TUBGCP4: variants seen among roughly 807,000 people sequenced by gnomAD.
TUBGCP4 encodes the protein tubulin gamma complex component 4.
A neutral mutation model predicts 91.6 loss-of-function variants in TUBGCP4; 54 were observed. The observed-to-expected ratio is 0.59, with a 90% CI of 0.47 to 0.74. The LOEUF is 0.74. Ranked by LOEUF, TUBGCP4 falls within the 30% of genes least tolerant of loss-of-function variation. TUBGCP4 has a pLI of 0.00. For missense variants in TUBGCP4, 593 were observed against 800.9 expected (o/e 0.74, Z 3.13); for synonymous variants, 297 against 302.8 (o/e 0.98, Z 0.20).
chr15:43,376,850 T>C (rs2044212723), intron 3 of TUBGCP4, among the ~76,000 whole-genome samples, 164 bp from the exon 4 acceptor site: 1 of 152,232 alleles, frequency 6.6e-6, no homozygotes, highest in South Asian at 2.1e-4. Context: ...GCTTGGTTTC[T>C]TTATGGCCCG....
intron 15 of TUBGCP4, chr15:43,403,206 G>GT (rs2142891961): frequency 6.6e-6 from 1 of 152,562 alleles, no homozygotes; most frequent in Non-Finnish European, 1.5e-5. Flanking sequence ...ACAAAAATCA[G>GT]TAACAACACA....
rs2045046597 is a variant in TUBGCP4, at chr15:43,409,666, T to G, written c.*4452T>G. On this transcript the variant is annotated 3_prime_UTR_variant, in exon 18 of 18. Transcript: ENST00000564079. ...CCTCACCTGGGCTTCATTGAAATCT[T>G]CAAGGATATAGCCAGCTCCTGCTCG... is the stretch of plus-strand genomic sequence containing the variant. 1.9e-6 allele frequency: 3 copies of G among 1,562,016 alleles called. No homozygotes were observed. In the African/African-American group the frequency reaches 4.2e-5, roughly 22 times the overall value.
intron 8 of TUBGCP4, 70 bp from the exon 9 acceptor site, chr15:43,386,136 C>A: frequency 1.3e-6 from 2 of 1,549,144 alleles, no homozygotes; most frequent in Non-Finnish European, 8.7e-7. Context: ...TGAGATTAGC[C>A]CTCCCCAGAA....
Position 43,385,792 on chromosome 15 carries a change from G to C in TUBGCP4, c.725G>C (p.Arg242Pro). 6.2e-7 allele frequency: 1 copy of C among 1,613,962 alleles called. No individual in the cohort carries two copies. The highest frequency in any genetic ancestry group is 1.1e-5 in the South Asian group (1 of 91,070). ...GATGTGTACTCTTTCCTTGACTAGC[G>C]CCTGATTGAGGAAGAGAACATGCTG... ...GKQLRELQDLRLIEEENMLAP... is the reference protein window; with the variant it reads ...GKQLRELQDLPLIEEENMLAP... The change falls in exon 8 of 18, where the codon CGC (arginine) becomes CCC (proline). Residue 242 changes from arginine to proline, a missense_variant and splice_region_variant. Coordinates refer to ENST00000564079, the MANE Select transcript of TUBGCP4 (RefSeq NM_014444.5).
intron 16 of TUBGCP4, 93 bp from the exon 17 acceptor site, chr15:43,404,320 G>T: frequency 1.3e-6 from 2 of 1,505,128 alleles, no homozygotes; most frequent in South Asian, 1.3e-5. Flanking sequence ...TTTGAACAAG[G>T]CTTTTCCAAG....
intron 15 of TUBGCP4, 35 bp downstream of exon 15, chr15:43,401,885 C>T (rs1183616885): frequency 3.7e-6 from 6 of 1,611,350 alleles, no homozygotes; most frequent in Admixed American, 1.7e-5. Context: ...CAGACTGCTT[C>T]TACCACTGAC....
Position 43,403,665 on chromosome 15 carries a change from A to G in TUBGCP4, c.1732-18A>G. 2 of 1,581,768 alleles carry G rather than the reference A, an allele frequency of 1.3e-6. No homozygotes were observed. The highest frequency in any genetic ancestry group is 1.7e-6 in the Non-Finnish European group (2 of 1,153,226). ...TACCTTCCTTCCTTTCCTAATGCCAACTCTGTTTCCCGGGTAGGTGTTTCA... is the reference window on the plus strand; with the variant it reads ...TACCTTCCTTCCTTTCCTAATGCCAGCTCTGTTTCCCGGGTAGGTGTTTCA... On this transcript the variant is annotated intron_variant, in intron 15 of 17. Coordinates refer to ENST00000564079, the MANE Select transcript of TUBGCP4 (RefSeq NM_014444.5).
intron 9 of TUBGCP4, 187 bp from the exon 10 acceptor site, chr15:43,394,920 C>G: frequency 1.6e-6 from 1 of 608,536 alleles, no homozygotes; most frequent in Non-Finnish European, 2.9e-6. Flanking sequence ...CATTAATTAC[C>G]CAGTCTAAGG....
intron 5 of TUBGCP4, among the ~76,000 whole-genome samples, chr15:43,379,820 C>T (rs1167257652): frequency 6.6e-6 from 1 of 152,186 alleles, no homozygotes. Context: ...TCACACTTTA[C>T]TGTGCATTAG....
intron 16 of TUBGCP4, chr15:43,404,123 T>C (rs895286704): frequency 4.3e-5 from 22 of 517,326 alleles, no homozygotes; most frequent in Non-Finnish European, 5.9e-5. Context: ...AATTATCTGC[T>C]TGTAATCAAA....
rs776818973 is a variant in TUBGCP4 at position 43,401,858 on chromosome 15, A to C, written c.1731+8A>C. On this transcript the variant is annotated splice_region_variant and intron_variant, in intron 15 of 17. Transcript: ENST00000564079. ...TTTATCCTATTGAAACCTGTAAGTA[A>C]GGCTCATTGGTTTCCTCAGACTGCT... 18 of 1,613,982 alleles carry C rather than the reference A, an allele frequency of 1.1e-5. No individual in the cohort carries two copies. The South Asian group carries it at 1.6e-4, about 15-fold the overall frequency.
chr15:43,387,323 T>C (rs529378860), intron 9 of TUBGCP4, among the ~76,000 whole-genome samples: 5 of 152,362 alleles, frequency 3.3e-5, no homozygotes. Flanking sequence ...CAAAGGAGCA[T>C]ATATGTTCTG....
At chr15:43,374,096 G>A (rs925687197) in intron 1 of TUBGCP4, among the ~76,000 whole-genome samples, 26 of 151,894 alleles carry the variant, frequency 1.7e-4, no homozygotes, top group African/African-American at 5.8e-4. Context: ...ATTCTTCTTC[G>A]CCTATTTGTT....
At chr15:43,391,177 G>A (rs1049331080) in intron 9 of TUBGCP4, among the ~76,000 whole-genome samples, 2 of 151,948 alleles carry the variant, frequency 1.3e-5, no homozygotes, top group Non-Finnish European at 2.9e-5. Context: ...TTATAGGCAT[G>A]AGCCTCAGCA....
Position 43,409,333 on chromosome 15 carries a change from A to G in TUBGCP4, c.*4119A>G. The G allele has an allele frequency of 1.7e-6, 1 of 585,844 alleles. No individual in the cohort carries two copies. 36.3% of individuals were successfully genotyped at this position (585,844 alleles called of 1,614,324 possible). A position where few individuals can be genotyped will look rare whatever the true frequency, so the allele number is the denominator to read the frequency against. ...GGACCTAAATCCTCAACGGACAACCAAAACCTATGAACTCAGCCTTTCAGG... is the reference window on the plus strand; with the variant it reads ...GGACCTAAATCCTCAACGGACAACCGAAACCTATGAACTCAGCCTTTCAGG... On this transcript the variant is annotated 3_prime_UTR_variant, in exon 18 of 18. Transcript: ENST00000564079.
chr15:43,371,371 T>C lies in TUBGCP4; in HGVS notation c.17T>C (p.Leu6Pro), dbSNP rs771570959. 6.2e-7 allele frequency: 1 copy of C among 1,613,822 alleles called. No individual in the cohort carries two copies. Among genetic ancestry groups the C allele is most frequent in the East Asian group, 2.2e-5 (1 of 44,830 alleles). The change falls in exon 1 of 18, where the codon CTC (leucine) becomes CCC (proline). Residue 6 changes from leucine to proline, a missense_variant. Coordinates refer to ENST00000564079, the MANE Select transcript of TUBGCP4 (RefSeq NM_014444.5). ...GCCGTGGGAATGATCCACGAACTGC[T>C]CTTGGCTCTGAGCGGGTACCCTGGG... is the stretch of plus-strand genomic sequence containing the variant. MIHELLLALSGYPGSI... is the reference protein window; with the variant it reads MIHELPLALSGYPGSI...
Position 43,408,732 on chromosome 15 carries a change from G to T in TUBGCP4, c.*3518G>T, listed in dbSNP as rs1058298. 245,244 of 658,986 alleles carry T rather than the reference G, an allele frequency of 0.37. 53,198 individuals are homozygous for T. The highest frequency in any genetic ancestry group is 0.82 in the African/African-American group (44,883 of 55,030). The allele number at this position is 658,986 out of a possible 1,614,324, so 40.8% of individuals were successfully genotyped here. ...AAAGGTTCCTAGCCAATGTAACCTA[G>T]GGAAATAAACTAGATAAACTCCTGA... On this transcript the variant is annotated 3_prime_UTR_variant, in exon 18 of 18. Transcript: ENST00000564079.
At chr15:43,395,463 C>G (rs2044565330) in intron 10 of TUBGCP4, 120 bp from the exon 11 acceptor site, 6 of 814,250 alleles carry the variant, frequency 7.4e-6, no homozygotes, top group Non-Finnish European at 1.2e-5. Context: ...ATGCCTGTAT[C>G]TTTTGTAGCT....
At position 43,385,791 on chromosome 15, in the gene TUBGCP4, C is replaced by T. The variant is rs898417223; in HGVS notation, c.724C>T (p.Arg242Cys). 3.1e-6 allele frequency: 5 copies of T among 1,614,008 alleles called. No individual in the cohort carries two copies. Among genetic ancestry groups the T allele is most frequent in the Non-Finnish European group, 4.2e-6 (5 of 1,179,948 alleles). Residue 242 changes from arginine (R) to cysteine (C), a missense_variant and splice_region_variant, in exon 8 of 18, where the codon CGC becomes TGC. By Grantham distance (180) the Arg-to-Cys change is radical. Transcript: ENST00000564079. ...CGATGTGTACTCTTTCCTTGACTAG[C>T]GCCTGATTGAGGAAGAGAACATGCT... ...GKQLRELQDL[R>C]LIEEENMLAP...
Sources: allele counts gnomAD v4.1 joint callset (sites outside exome capture counted in the v4.1 genomes callset), GRCh38; gene constraint gnomAD v4.1.1; transcripts MANE v1.5; gene names NCBI Gene and HGNC (gene_info 2026-07-23, HGNC 2026-07-21).